Variants in CTNNA3 observed in about 807,000 individuals in gnomAD.
CTNNA3 encodes catenin alpha-3.
In CTNNA3, 76 loss-of-function variants were observed where a neutral mutation model predicts 95.7. The ratio of observed to expected loss-of-function variants is 0.79; its 90% CI spans 0.66 to 0.96. CTNNA3 has a LOEUF of 0.96. Ranked by LOEUF, CTNNA3 falls within the 40% of genes least tolerant of loss-of-function variation. CTNNA3 has a pLI of 0.00. For synonymous variants in CTNNA3, 431 were observed against 374.4 expected, an observed-to-expected ratio of 1.15 and a Z score of -1.74; for missense variants, 1,191 against 1,089.8, an observed-to-expected ratio of 1.09 and a Z score of -1.31.
At chr10:67,670,041 T>C (rs1158796580) in intron 1 of CTNNA3, among the ~76,000 whole-genome samples, 1 of 152,202 alleles carries the variant, frequency 6.6e-6, no homozygotes, top group Non-Finnish European at 1.5e-5. Flanking sequence ...AGAGTGGGTA[T>C]AGAATGGTTA....
chr10:67,230,832 C>T (rs888361576), intron 5 of CTNNA3, among the ~76,000 whole-genome samples: 1 of 152,162 alleles, frequency 6.6e-6, no homozygotes. Flanking sequence ...GTGCGCGAGC[C>T]GAAGCAGGGT....
chr10:66,667,061 T>G (rs946242082), intron 9 of CTNNA3, among the ~76,000 whole-genome samples: 1 of 152,280 alleles, frequency 6.6e-6, no homozygotes, highest in Admixed American at 6.5e-5. Flanking sequence ...ATTGAGTTTA[T>G]AGTCAAGCAC....
chr10:67,151,928 C>T (rs905879438), intron 7 of CTNNA3, among the ~76,000 whole-genome samples: 24 of 152,180 alleles, frequency 1.6e-4, no homozygotes, highest in Non-Finnish European at 2.5e-4. Context: ...TTCTGTTGTT[C>T]CTTTCTTCTC....
chr10:67,441,182 C>T (rs1846497560), intron 5 of CTNNA3, among the ~76,000 whole-genome samples: 1 of 150,964 alleles, frequency 6.6e-6, no homozygotes, highest in South Asian at 2.1e-4. Flanking sequence ...ATCAGAATAC[C>T]TTAATAGCAG....
intron 5 of CTNNA3, among the ~76,000 whole-genome samples, chr10:67,335,212 G>A (rs1445263395): frequency 6.6e-6 from 1 of 152,134 alleles, no homozygotes; most frequent in Non-Finnish European, 1.5e-5. Flanking sequence ...CAATGTCCAA[G>A]TTGGAGTGAG....
intron 7 of CTNNA3, among the ~76,000 whole-genome samples, chr10:67,129,962 C>A (rs1269930836): frequency 6.6e-6 from 1 of 151,838 alleles, no homozygotes; most frequent in Non-Finnish European, 1.5e-5. Context: ...TATCTAGGAT[C>A]CATATAGAAG....
At chr10:66,733,594 T>G (rs1428926955) in intron 9 of CTNNA3, among the ~76,000 whole-genome samples, 2 of 151,778 alleles carry the variant, frequency 1.3e-5, no homozygotes, top group African/African-American at 4.8e-5. Flanking sequence ...TCCAAAAGAT[T>G]GAAACAAATT....
chr10:66,147,152 C>T (rs2083927490), intron 13 of CTNNA3, among the ~76,000 whole-genome samples: 1 of 152,050 alleles, frequency 6.6e-6, no homozygotes, highest in African/African-American at 2.4e-5. Context: ...GAAGAATTTA[C>T]AGGATTAACC....
intron 9 of CTNNA3, among the ~76,000 whole-genome samples, chr10:66,728,673 C>G (rs758666439): frequency 2.6e-5 from 4 of 152,080 alleles, no homozygotes; most frequent in Admixed American, 6.6e-5. Context: ...ATTGCAACTT[C>G]TGTTTCCCGC....
intron 5 of CTNNA3, among the ~76,000 whole-genome samples, chr10:67,446,792 C>T (rs201705242): frequency 2.0e-5 from 3 of 152,078 alleles, no homozygotes; most frequent in African/African-American, 7.2e-5. Flanking sequence ...CTTAGGTAGG[C>T]ACTTTGTTCC....
At chr10:66,213,107 T>G (rs1259890773) in intron 13 of CTNNA3, among the ~76,000 whole-genome samples, 1 of 152,232 alleles carries the variant, frequency 6.6e-6, no homozygotes, top group African/African-American at 2.4e-5. Flanking sequence ...TACAATATCA[T>G]TTACTATATT....
At chr10:66,023,144 A>G (rs924721167) in intron 15 of CTNNA3, among the ~76,000 whole-genome samples, 2 of 152,242 alleles carry the variant, frequency 1.3e-5, no homozygotes, top group Admixed American at 6.5e-5. Flanking sequence ...AACTTTGTAC[A>G]TAATAAATGT....
chr10:65,997,318 T>G (rs2078683537), intron 15 of CTNNA3, among the ~76,000 whole-genome samples: 1 of 152,200 alleles, frequency 6.6e-6, no homozygotes, highest in African/African-American at 2.4e-5. Context: ...TAAGAAGTAC[T>G]GAAATGACGT....
chr10:66,379,851 A>G (rs2132490677), intron 11 of CTNNA3, among the ~76,000 whole-genome samples: 1 of 152,312 alleles, frequency 6.6e-6, no homozygotes, highest in Middle Eastern at 3.4e-3. Flanking sequence ...TCTTTAGATG[A>G]CTAGGCCATG....
intron 11 of CTNNA3, among the ~76,000 whole-genome samples, chr10:66,432,310 AT>A (rs2093303525): frequency 6.6e-6 from 1 of 152,168 alleles, no homozygotes; most frequent in Non-Finnish European, 1.5e-5. Flanking sequence ...TAGTATACAA[AT>A]ATTATGGCAC....
chr10:67,351,257 T>C (rs1334393255), intron 5 of CTNNA3, among the ~76,000 whole-genome samples: 1 of 151,938 alleles, frequency 6.6e-6, no homozygotes, highest in African/African-American at 2.4e-5. Flanking sequence ...AGGAGGTATA[T>C]TGAAATTGTT....
At chr10:67,692,280 G>A (rs1431007910) in intron 1 of CTNNA3, among the ~76,000 whole-genome samples, 5 of 149,280 alleles carry the variant, frequency 3.3e-5, no homozygotes, top group Non-Finnish European at 7.5e-5. Flanking sequence ...TGACAATGGC[G>A]GTTTTGTGGA....
intron 5 of CTNNA3, among the ~76,000 whole-genome samples, chr10:67,266,993 G>GA (rs1564522956): frequency 6.6e-6 from 1 of 152,082 alleles, no homozygotes. Context: ...TTTTGTTGTT[G>GA]AAAGCTTTTG....
intron 1 of CTNNA3, among the ~76,000 whole-genome samples, chr10:67,746,728 C>CA (rs1463927696): frequency 6.6e-6 from 1 of 152,162 alleles, no homozygotes; most frequent in Non-Finnish European, 1.5e-5. Flanking sequence ...ATGCCACCAT[C>CA]AGGGCCTTGG....
Sources: allele counts gnomAD v4.1 joint callset (sites outside exome capture counted in the v4.1 genomes callset), GRCh38; gene constraint gnomAD v4.1.1; transcripts MANE v1.5; gene names NCBI Gene and HGNC (gene_info 2026-07-23, HGNC 2026-07-21).